Variants in MICU1 observed in about 807,000 individuals in gnomAD.
The protein encoded by MICU1 is mitochondrial calcium uptake 1.
Under a neutral mutation model 56.8 loss-of-function variants are expected in MICU1, and 45 were observed. That is an observed-to-expected ratio of 0.79 (90% CI 0.62 to 1.02). MICU1 has a LOEUF of 1.02. Among genes scored for constraint, MICU1 ranks in the 50% least tolerant of loss-of-function variants. MICU1 has a pLI of 0.00. For missense variants in MICU1, 504 were observed against 587.1 expected, an observed-to-expected ratio of 0.86 and a Z score of 1.46; for synonymous variants, 186 against 195.1, an observed-to-expected ratio of 0.95 and a Z score of 0.39.
At chr10:72,536,219 C>A (rs951475344) in intron 4 of MICU1, among the ~76,000 whole-genome samples, 6 of 152,010 alleles carry the variant, frequency 3.9e-5, no homozygotes, top group African/African-American at 1.4e-4. Flanking sequence ...AAAGAAATGA[C>A]AAATGTTTGA....
At chr10:72,504,337 T>C (rs1426478859) in intron 6 of MICU1, among the ~76,000 whole-genome samples, 1 of 152,134 alleles carries the variant, frequency 6.6e-6, no homozygotes, top group Non-Finnish European at 1.5e-5. Context: ...CTTACAACCA[T>C]CTTATTTTCA....
chr10:72,582,513 G>A (rs1322244790), intron 1 of MICU1, among the ~76,000 whole-genome samples: 4 of 152,130 alleles, frequency 2.6e-5, no homozygotes, highest in Non-Finnish European at 5.9e-5. Context: ...GCCAAGGTGG[G>A]TGAATTGCTT....
chr10:72,521,864 C>T (rs1244072234), intron 5 of MICU1, among the ~76,000 whole-genome samples: 1 of 106,972 alleles, frequency 9.3e-6, no homozygotes, highest in African/African-American at 3.4e-5. Context: ...GCCAATGATA[C>T]AGGTGCACTT....
intron 1 of MICU1, among the ~76,000 whole-genome samples, chr10:72,588,187 T>C (rs1295600133): frequency 1.3e-5 from 2 of 152,144 alleles, no homozygotes; most frequent in African/African-American, 4.8e-5. Context: ...GCTCTGGCCA[T>C]GTGAAGACGA....
At chr10:72,603,237 A>C (rs1166269275) in intron 1 of MICU1, among the ~76,000 whole-genome samples, 1 of 150,036 alleles carries the variant, frequency 6.7e-6, no homozygotes, top group Non-Finnish European at 1.5e-5. Context: ...AAACACAAAA[A>C]TTAGCCAGGC....
At chr10:72,420,090 G>A (rs765326150) in intron 9 of MICU1, among the ~76,000 whole-genome samples, 7 of 152,002 alleles carry the variant, frequency 4.6e-5, no homozygotes, top group African/African-American at 7.3e-5. Context: ...ACGGAGTTTC[G>A]CTCTTGTTAC....
intron 8 of MICU1, among the ~76,000 whole-genome samples, chr10:72,462,588 T>C (rs1865670958): frequency 6.6e-6 from 1 of 152,232 alleles, no homozygotes; most frequent in Non-Finnish European, 1.5e-5. Context: ...AGTGTATATA[T>C]AGATGAAACA....
At chr10:72,525,948 G>C (rs1867948772) in intron 5 of MICU1, among the ~76,000 whole-genome samples, 1 of 152,056 alleles carries the variant, frequency 6.6e-6, no homozygotes. Context: ...CAATCCACAA[G>C]ACTATGTTTT....
intron 11 of MICU1, among the ~76,000 whole-genome samples, chr10:72,372,770 A>G (rs1365776705): frequency 6.6e-6 from 1 of 152,094 alleles, no homozygotes; most frequent in Non-Finnish European, 1.5e-5. Flanking sequence ...TGAACCCAGG[A>G]GGCAGAGGCT....
At chr10:72,477,090 G>T in intron 7 of MICU1, 84 bp downstream of exon 7, 1 of 1,039,602 alleles carries the variant, frequency 9.6e-7, no homozygotes. Flanking sequence ...TGAGTATACT[G>T]ACCAAGGCTA....
At chr10:72,386,119 T>C (rs544657766) in intron 10 of MICU1, among the ~76,000 whole-genome samples, 9 of 152,276 alleles carry the variant, frequency 5.9e-5, no homozygotes, top group Middle Eastern at 3.4e-3. Context: ...AACCCAGCTA[T>C]GCTGTGCCAA....
intron 10 of MICU1, among the ~76,000 whole-genome samples, chr10:72,382,204 G>C (rs542586806): frequency 3.9e-5 from 6 of 151,964 alleles, no homozygotes; most frequent in Non-Finnish European, 7.4e-5. Flanking sequence ...TCGCCTCCCG[G>C]GTTTAAGTGA....
rs141657458 is a variant in MICU1 at position 72,507,347 on chromosome 10, T to C, written c.652+808A>G. On this transcript the variant is annotated intron_variant, in intron 6 of 11. Coordinates refer to ENST00000361114, the MANE Select transcript of MICU1 (RefSeq NM_001195518.2). ...AAATTTAAAATCACTTAGAGTAGCA[T>C]ACTAATCAACAAAGCTATTGATAGT... 2.9e-3 allele frequency among the ~76,000 whole-genome samples: 439 copies of C among 152,314 alleles called. 3 individuals are homozygous for C. The highest frequency in any genetic ancestry group is 1.0e-2 in the African/African-American group (415 of 41,564).
intron 1 of MICU1, among the ~76,000 whole-genome samples, chr10:72,605,153 G>A (rs1841652325): frequency 5.9e-5 from 9 of 152,170 alleles, no homozygotes; most frequent in Admixed American, 5.9e-4. Context: ...AAACCAAGAT[G>A]ACAACGAAAA....
chr10:72,447,549 T>C (rs1865143086), intron 8 of MICU1, among the ~76,000 whole-genome samples: 1 of 152,190 alleles, frequency 6.6e-6, no homozygotes, highest in Non-Finnish European at 1.5e-5. Context: ...AGCAATTATA[T>C]GTTAAACTGC....
At chr10:72,531,233 A>G (rs1839474270) in intron 5 of MICU1, among the ~76,000 whole-genome samples, 1 of 152,198 alleles carries the variant, frequency 6.6e-6, no homozygotes, top group Non-Finnish European at 1.5e-5. Flanking sequence ...TTAAAAATCA[A>G]AGCAAGTCTA....
At chr10:72,406,628 G>T (rs1291839092) in intron 10 of MICU1, among the ~76,000 whole-genome samples, 1 of 151,410 alleles carries the variant, frequency 6.6e-6, no homozygotes, top group Non-Finnish European at 1.5e-5. Flanking sequence ...AAAAGAGAGA[G>T]ATGGGGTCTC....
At chr10:72,385,660 G>C (rs1862862223) in intron 10 of MICU1, among the ~76,000 whole-genome samples, 1 of 152,204 alleles carries the variant, frequency 6.6e-6, no homozygotes, top group South Asian at 2.1e-4. Context: ...GTGCTGAGCA[G>C]AATTCTGACG....
intron 4 of MICU1, among the ~76,000 whole-genome samples, chr10:72,541,430 C>T (rs964682289): frequency 1.3e-5 from 2 of 152,172 alleles, no homozygotes; most frequent in African/African-American, 4.8e-5. Flanking sequence ...ATTATAGAAT[C>T]TAAGATTGAT....
Sources: allele counts gnomAD v4.1 joint callset (sites outside exome capture counted in the v4.1 genomes callset), GRCh38; gene constraint gnomAD v4.1.1; transcripts MANE v1.5; gene names NCBI Gene and HGNC (gene_info 2026-07-23, HGNC 2026-07-21).